The following ZNF462 variants were observed in gnomAD, a reference collection of about 807,000 sequenced individuals.
The protein encoded by ZNF462 is zinc finger PBX1-interacting protein.
Under a neutral mutation model 201.9 loss-of-function variants are expected in ZNF462, and 10 were observed. That is an observed-to-expected ratio of 0.05 (90% confidence interval 0.03 to 0.08). The LOEUF (loss-of-function observed/expected upper bound fraction) is 0.08, where lower values mean the gene tolerates loss of function less well. Among genes scored for constraint, ZNF462 ranks in the 10% least tolerant of loss-of-function variants. ZNF462 has a pLI of 1.00. For missense variants in ZNF462, 2,523 were observed against 3,168.3 expected, an observed-to-expected ratio of 0.80 and a Z score of 4.89; for synonymous variants, 1,227 against 1,193.3, an observed-to-expected ratio of 1.03 and a Z score of -0.58.
chr9:106,911,291 T>C (rs1016611402), intron 1 of ZNF462, among the ~76,000 whole-genome samples: 4 of 152,228 alleles, frequency 2.6e-5, no homozygotes, highest in African/African-American at 9.6e-5. Context: ...TCTCCTGTGC[T>C]CTTCAAGGAC....
At position 106,886,064 on chromosome 9, in the gene ZNF462, A is replaced by G. The variant is rs1297100269; in HGVS notation, c.-31+22709A>G. ...CCTATTTTAAATAAAATAACAAACTAGAACAGTTTGTATTTTATTAAATAA... is the reference window on the plus strand; with the variant it reads ...CCTATTTTAAATAAAATAACAAACTGGAACAGTTTGTATTTTATTAAATAA... On this transcript the variant is annotated intron_variant, in intron 1 of 12. Transcript: ENST00000277225. This position sits in a 1 kb window ranked among gnomAD's most constrained non-coding sequence, Gnocchi z 4.6. Among the ~76,000 whole-genome samples the G allele has an allele frequency of 6.6e-6, 1 of 152,254 alleles. No homozygotes were observed. Among genetic ancestry groups the G allele is most frequent in the Non-Finnish European group, 1.5e-5 (1 of 68,044 alleles).
Position 106,872,552 on chromosome 9 carries a change from G to A in ZNF462, c.-31+9197G>A, listed in dbSNP as rs1360270132. On this transcript the variant is annotated intron_variant, in intron 1 of 12. Transcript: ENST00000277225. This position sits in a 1 kb window ranked among gnomAD's most constrained non-coding sequence, Gnocchi z 4.5. ...TAATTTCTTGTATTTTAGTAGAGAC[G>A]GGGTTTCACTGTGTTGTCCAGGCTG... 6.6e-6 allele frequency among the ~76,000 whole-genome samples: 1 copy of A among 151,974 alleles called. No individual in the cohort carries two copies. The highest frequency in any genetic ancestry group is 1.5e-5 in the Non-Finnish European group (1 of 67,988).
In ZNF462 at chr9:106,886,526, C is replaced by T. The variant is rs1439667770; in HGVS notation, c.-31+23171C>T. Among the ~76,000 whole-genome samples the T allele has an allele frequency of 6.6e-6, 1 of 152,064 alleles. No individual in the cohort carries two copies. Among genetic ancestry groups the T allele is most frequent in the Non-Finnish European group, 1.5e-5 (1 of 68,010 alleles). On this transcript the variant is annotated intron_variant, in intron 1 of 12. Coordinates refer to ENST00000277225, the MANE Select transcript of ZNF462 (RefSeq NM_021224.6). The surrounding 1 kb of genome is among the most constrained non-coding windows in gnomAD (Gnocchi z 4.6). ...GAAATCCACATCCTCAAATATACAA[C>T]AATGTCAGCTACAAAAAAAATAGAA...
At chr9:106,912,359 C>A (rs1004201203) in intron 1 of ZNF462, among the ~76,000 whole-genome samples, 3 of 152,196 alleles carry the variant, frequency 2.0e-5, no homozygotes, top group African/African-American at 7.2e-5. Context: ...AGTATAAACA[C>A]ACTGCTTGCA....
intron 10 of ZNF462, among the ~76,000 whole-genome samples, chr9:106,987,206 A>T (rs1827915779): frequency 6.6e-6 from 1 of 152,214 alleles, no homozygotes. Context: ...ATCAAATGGC[A>T]GTTCTACTTT....
intron 10 of ZNF462, among the ~76,000 whole-genome samples, chr9:106,987,475 C>A (rs1344082662): frequency 6.6e-6 from 1 of 151,994 alleles, no homozygotes; most frequent in East Asian, 1.9e-4. Context: ...CTTTTGAGAA[C>A]TGTCTATTCA....
At chr9:106,907,932 G>A (rs1440167227) in intron 1 of ZNF462, among the ~76,000 whole-genome samples, 1 of 151,826 alleles carries the variant, frequency 6.6e-6, no homozygotes, top group African/African-American at 2.4e-5. Flanking sequence ...TACTCTACTG[G>A]TGAGTTTTTA....
intron 1 of ZNF462, among the ~76,000 whole-genome samples, chr9:106,894,022 CT>C (rs911248165): frequency 6.6e-6 from 1 of 152,206 alleles, no homozygotes; most frequent in South Asian, 2.1e-4. Context: ...TGCAAACTGA[CT>C]TTTAGTATTT....
chr9:107,012,501 C>CT lies in ZNF462; in HGVS notation c.*1476dup, dbSNP rs1829977780. 7.7e-6 allele frequency: 1 copy of CT among 129,722 alleles called. No individual in the cohort carries two copies. Among genetic ancestry groups the CT allele is most frequent in the African/African-American group, 3.0e-5 (1 of 33,730 alleles). The allele number at this position is 129,722 out of a possible 1,614,324, so 8.0% of individuals were successfully genotyped here. A position where few individuals can be genotyped will look rare whatever the true frequency, so the allele number is the denominator to read the frequency against. On this transcript the variant is annotated 3_prime_UTR_variant, in exon 13 of 13. Coordinates refer to ENST00000277225, the MANE Select transcript of ZNF462 (RefSeq NM_021224.6). ...CCAGCTGCTCTGTCCCCCATATCAG[C>CT]TTTTTCAGGAGGGAGCAGCTTAGAC...
rs571114088 is a variant in ZNF462 at position 107,006,508 on chromosome 9, C to A, written c.7190-3037C>A. Among the ~76,000 whole-genome samples, 3 of 152,248 alleles carry A rather than the reference C, an allele frequency of 2.0e-5. No individual in the cohort carries two copies. Among genetic ancestry groups the A allele is most frequent in the African/African-American group, 7.2e-5 (3 of 41,560 alleles). ...TAATCTTCACTGAAGGGGACCTGAC[C>A]CTGAAATCTGTGGATTCAGTGGCCC... On this transcript the variant is annotated intron_variant, in intron 11 of 12. Transcript: ENST00000277225. The surrounding 1 kb of genome is among the most constrained non-coding windows in gnomAD (Gnocchi z 4.3).
intron 1 of ZNF462, among the ~76,000 whole-genome samples, chr9:106,888,881 G>A (rs1828447050): frequency 6.6e-6 from 1 of 152,136 alleles, no homozygotes; most frequent in Admixed American, 6.5e-5. Flanking sequence ...GTTCCTTCTG[G>A]AACCTCAATC....
Position 106,924,243 on chromosome 9 carries a change from A to G in ZNF462, c.331A>G (p.Lys111Glu), listed in dbSNP as rs1830098088. The G allele has an allele frequency of 6.2e-7, 1 of 1,614,058 alleles. No individual in the cohort carries two copies. The highest frequency in any genetic ancestry group is 1.3e-5 in the African/African-American group (1 of 74,916). ...PKPTNKFFQC[K>E]FCVRYFRSKN... The stretch of plus-strand genomic sequence containing the variant: ...ACCAACAAACAAGTTTTTTCAATGC[A>G]AGTTCTGTGTACGCTACTTCAGGTC... Residue 111 changes from lysine (K) to glutamate (E), a missense_variant, in exon 3 of 13, where the codon AAG becomes GAG. Physicochemically the swap from Lys to Glu is moderately conservative, Grantham distance 56 (BLOSUM62 1). Coordinates refer to ENST00000277225, the MANE Select transcript of ZNF462 (RefSeq NM_021224.6). This position sits in a 1 kb window ranked among gnomAD's most constrained non-coding sequence, Gnocchi z 6.2.
intron 7 of ZNF462, among the ~76,000 whole-genome samples, chr9:106,959,159 A>G (rs1831714890): frequency 6.6e-6 from 1 of 152,076 alleles, no homozygotes; most frequent in South Asian, 2.1e-4. Context: ...CAAGTCCCAC[A>G]ATCAATCCCC....
At chr9:106,874,912 T>G (rs1346858722) in intron 1 of ZNF462, among the ~76,000 whole-genome samples, 1 of 152,200 alleles carries the variant, frequency 6.6e-6, no homozygotes, top group Admixed American at 6.5e-5. Context: ...CACCCATAGG[T>G]CCTGAAATTA....
At chr9:106,915,023 CA>C (rs1829710537) in intron 1 of ZNF462, among the ~76,000 whole-genome samples, 1 of 151,938 alleles carries the variant, frequency 6.6e-6, no homozygotes, top group Non-Finnish European at 1.5e-5. Context: ...GTCCTTTGTA[CA>C]AAAAGGTTGA....
rs1483114995 is a variant in ZNF462, at chr9:107,012,062, A to G, written c.*1032A>G. ...GAGATTTAGTTTTTTGTGAATAGGA[A>G]TGTTTTTATTTTAAACATGGAAATA... On this transcript the variant is annotated 3_prime_UTR_variant, in exon 13 of 13. Coordinates refer to ENST00000277225, the MANE Select transcript of ZNF462 (RefSeq NM_021224.6). The G allele has an allele frequency of 6.9e-6, 1 of 144,280 alleles. No homozygotes were observed. Among genetic ancestry groups the G allele is most frequent in the Non-Finnish European group, 1.5e-5 (1 of 65,954 alleles). The allele number at this position is 144,280 out of a possible 1,614,324, so 8.9% of individuals were successfully genotyped here.
At chr9:106,903,514 T>C (rs1406779332) in intron 1 of ZNF462, among the ~76,000 whole-genome samples, 1 of 152,202 alleles carries the variant, frequency 6.6e-6, no homozygotes, top group Non-Finnish European at 1.5e-5. Context: ...TGTCTAGTAC[T>C]GTCAGTGTAA....
rs140917379 is a variant in ZNF462, at chr9:106,886,934, C to T, written c.-31+23579C>T. 5.3e-3 allele frequency among the ~76,000 whole-genome samples: 802 copies of T among 152,206 alleles called. 8 individuals are homozygous for T. The highest frequency in any genetic ancestry group is 0.019 in the African/African-American group (779 of 41,534). ...GCAATAGGCGGGAGAGGGTAAATGA[C>T]AGGCGGTGGCACTTCCCTATACTTG... On this transcript the variant is annotated intron_variant, in intron 1 of 12. Transcript: ENST00000277225. The surrounding 1 kb of genome is among the most constrained non-coding windows in gnomAD (Gnocchi z 4.6).
intron 1 of ZNF462, 97 bp downstream of exon 1, chr9:106,863,452 G>T: frequency 2.7e-6 from 1 of 371,948 alleles, no homozygotes; most frequent in Non-Finnish European, 4.8e-6. Context: ...CATTCATTCG[G>T]CCAAGGAGGG....
Sources: gnomAD v4.1 joint callset for allele counts (sites outside exome capture counted in the v4.1 genomes callset) on GRCh38, gnomAD v4.1.1 for gene constraint, Gnocchi (gnomAD v3.1) non-coding constraint, MANE v1.5 for transcripts, NCBI Gene and HGNC (gene_info 2026-07-23, HGNC 2026-07-21) for gene names.